Variants in CFAP20DC observed in about 807,000 individuals in gnomAD.
CFAP20DC encodes CFAP20 domain containing.
CFAP20DC carries 84 observed loss-of-function variants against 101.7 expected under a neutral mutation model. The observed-to-expected ratio is 0.83, with a 90% CI of 0.69 to 0.99. The LOEUF (loss-of-function observed/expected upper bound fraction) is 0.99. CFAP20DC is among the 50% of genes least tolerant of loss of function. CFAP20DC has a pLI of 0.00. For missense variants in CFAP20DC, 1,007 were observed against 970.3 expected, an observed-to-expected ratio of 1.04 and a Z score of -0.50; for synonymous variants, 359 against 351.2, an observed-to-expected ratio of 1.02 and a Z score of -0.25.
chr3:58,742,902 G>T (rs1031769857), intron 16 of CFAP20DC, among the ~76,000 whole-genome samples: 7 of 152,142 alleles, frequency 4.6e-5, no homozygotes, highest in African/African-American at 1.7e-4. Flanking sequence ...AACTTGCCAG[G>T]ATCCAAAACT....
intron 15 of CFAP20DC, among the ~76,000 whole-genome samples, chr3:58,765,307 T>G (rs1390813674): frequency 1.3e-5 from 2 of 151,868 alleles, no homozygotes; most frequent in Non-Finnish European, 2.9e-5. Flanking sequence ...CACACACATA[T>G]ACACATAACA....
At chr3:58,987,705 TA>T (rs2092798129) in intron 4 of CFAP20DC, among the ~76,000 whole-genome samples, 1 of 151,926 alleles carries the variant, frequency 6.6e-6, no homozygotes, top group African/African-American at 2.4e-5. Flanking sequence ...ACATAACTCT[TA>T]TAACTCTATA....
rs1346521936 is a variant in CFAP20DC at position 58,799,739 on chromosome 3, G to C, written c.2237+6656C>G. Among the ~76,000 whole-genome samples, 4 of 121,818 alleles carry C rather than the reference G, an allele frequency of 3.3e-5. No homozygotes were observed. The highest frequency in any genetic ancestry group is 2.8e-4 in the South Asian group (1 of 3,622). The allele number at this position is 121,818 out of a possible 152,430, so 79.9% of individuals were successfully genotyped here. Reference sequence around the variant, plus strand: ...TGTGTGTCTGTGTGTGTGTCTGTGTGTGTGTGTGTGTGTGTGTGTGTGTGT... The same window carrying C: ...TGTGTGTCTGTGTGTGTGTCTGTGTCTGTGTGTGTGTGTGTGTGTGTGTGT... On this transcript the variant is annotated intron_variant, in intron 15 of 16. Transcript: ENST00000482387. The surrounding 1 kb of genome is among the most constrained non-coding windows in gnomAD (Gnocchi z 4.9).
At chr3:58,836,461 A>C (rs1327856912) in intron 13 of CFAP20DC, among the ~76,000 whole-genome samples, 1 of 152,170 alleles carries the variant, frequency 6.6e-6, no homozygotes, top group Non-Finnish European at 1.5e-5. Flanking sequence ...GATAGGAACC[A>C]GTTCTGCTAA....
intron 4 of CFAP20DC, among the ~76,000 whole-genome samples, chr3:59,005,117 G>A (rs1312969808): frequency 6.6e-6 from 1 of 152,162 alleles, no homozygotes; most frequent in Non-Finnish European, 1.5e-5. Context: ...AGAAGGGATG[G>A]TATGCTAATT....
intron 14 of CFAP20DC, among the ~76,000 whole-genome samples, chr3:58,829,531 G>A (rs921515616): frequency 5.3e-5 from 8 of 152,054 alleles, no homozygotes; most frequent in Admixed American, 2.0e-4. Context: ...CCATTTGGCG[G>A]TAGTTCCAAT....
intron 4 of CFAP20DC, among the ~76,000 whole-genome samples, chr3:58,993,068 T>C (rs1325023710): frequency 2.0e-5 from 3 of 152,192 alleles, no homozygotes; most frequent in Non-Finnish European, 2.9e-5. Context: ...GGAGTACTTT[T>C]CCAATTGAGG....
chr3:58,911,534 C>T (rs1294662304), intron 6 of CFAP20DC, among the ~76,000 whole-genome samples: 1 of 151,910 alleles, frequency 6.6e-6, no homozygotes, highest in Non-Finnish European at 1.5e-5. Context: ...GAAATGTGTT[C>T]ACTTTGTGGT....
At chr3:58,807,145 C>G (rs1462564267) in intron 14 of CFAP20DC, among the ~76,000 whole-genome samples, 1 of 152,194 alleles carries the variant, frequency 6.6e-6, no homozygotes, top group Non-Finnish European at 1.5e-5. Flanking sequence ...GGGCGGGGCA[C>G]AGACAAAAAG....
intron 4 of CFAP20DC, among the ~76,000 whole-genome samples, chr3:58,973,462 T>A (rs1018531099): frequency 7.9e-5 from 12 of 152,214 alleles, no homozygotes; most frequent in Non-Finnish European, 1.0e-4. Flanking sequence ...CTGGTCTCCC[T>A]GCTTCCATTC....
At chr3:58,968,939 T>C (rs745852815) in intron 4 of CFAP20DC, among the ~76,000 whole-genome samples, 1 of 152,226 alleles carries the variant, frequency 6.6e-6, no homozygotes, top group Non-Finnish European at 1.5e-5. Flanking sequence ...TAGCTAGTTA[T>C]TCTAGCACCA....
intron 15 of CFAP20DC, among the ~76,000 whole-genome samples, chr3:58,778,388 G>T (rs2071528163): frequency 6.6e-6 from 1 of 152,182 alleles, no homozygotes; most frequent in Non-Finnish European, 1.5e-5. Flanking sequence ...CTCTTCGGGT[G>T]TGAGGTGGGG....
intron 15 of CFAP20DC, among the ~76,000 whole-genome samples, chr3:58,794,777 T>C (rs1214398235): frequency 6.6e-6 from 1 of 152,182 alleles, no homozygotes; most frequent in African/African-American, 2.4e-5. Context: ...CCTAATGACA[T>C]GCAGTGTGGA....
Position 58,806,444 on chromosome 3 carries a change from C to G in CFAP20DC, c.2188G>C (p.Gly730Arg), listed in dbSNP as rs2074063985. The change falls in exon 15 of 17, where the codon GGT (glycine) becomes CGT (arginine). Residue 730 changes from glycine (G) to arginine (R), a missense_variant. By Grantham distance (125) the Gly-to-Arg change is moderately radical. Coordinates refer to ENST00000482387, the MANE Select transcript of CFAP20DC (RefSeq NM_001394063.1). ...TTCATTTCTTTCTGATAGTGGCGAC[C>G]CTGGTTGACAGGCTGGAAAAGACAA... Reference protein sequence around the residue: ...NSCLPPPVNQGRHYQKEMNPP... With the variant: ...NSCLPPPVNQRRHYQKEMNPP... 6.2e-7 allele frequency: 1 copy of G among 1,611,952 alleles called. No individual in the cohort carries two copies. The highest frequency in any genetic ancestry group is 8.5e-7 in the Non-Finnish European group (1 of 1,178,260).
chr3:58,994,107 T>C (rs892340134), intron 4 of CFAP20DC, among the ~76,000 whole-genome samples: 5 of 152,156 alleles, frequency 3.3e-5, no homozygotes, highest in Non-Finnish European at 1.5e-5. Context: ...CTTTCTTGCC[T>C]TTCCATTTAA....
In CFAP20DC at chr3:59,023,890, AG is replaced by A. The variant is rs549194126; in HGVS notation, c.278+15666del. Among the ~76,000 whole-genome samples the A allele has an allele frequency of 1.9e-4, 29 of 152,258 alleles. No individual in the cohort carries two copies. The South Asian group carries it at 6.0e-3, about 32-fold the overall frequency. On this transcript the variant is annotated intron_variant, in intron 4 of 16. Coordinates refer to ENST00000482387, the MANE Select transcript of CFAP20DC (RefSeq NM_001394063.1). ...CATATCAGTGGATTTCAACCTTATG[AG>A]GGAGCAATGGCATCCTCTATTTACG...
intron 14 of CFAP20DC, among the ~76,000 whole-genome samples, chr3:58,829,136 A>G (rs2076229735): frequency 6.6e-6 from 1 of 152,076 alleles, no homozygotes; most frequent in Non-Finnish European, 1.5e-5. Flanking sequence ...GTTTGAGACC[A>G]GCCTGGCCAA....
At chr3:58,837,809 A>T (rs1461056608) in intron 13 of CFAP20DC, among the ~76,000 whole-genome samples, 1 of 152,220 alleles carries the variant, frequency 6.6e-6, no homozygotes, top group African/African-American at 2.4e-5. Flanking sequence ...GAAAAGTACT[A>T]GAAGTCCATT....
chr3:59,029,233 C>T (rs1022281895), intron 4 of CFAP20DC, among the ~76,000 whole-genome samples: 5 of 152,028 alleles, frequency 3.3e-5, no homozygotes, highest in African/African-American at 9.7e-5. Context: ...GCTGGGATAT[C>T]AAGCTGAATA....
Sources: allele counts gnomAD v4.1 joint callset (sites outside exome capture counted in the v4.1 genomes callset), GRCh38; gene constraint gnomAD v4.1.1; non-coding constraint Gnocchi (gnomAD v3.1); transcripts MANE v1.5; gene names NCBI Gene and HGNC (gene_info 2026-07-23, HGNC 2026-07-21).